Variants in CAPSL observed in about 807,000 individuals in gnomAD.
CAPSL encodes the protein calcyphosin-like protein.
Under a neutral mutation model 21.3 loss-of-function variants are expected in CAPSL, and 17 were observed. The ratio of observed to expected loss-of-function variants is 0.80; its 90% CI spans 0.55 to 1.20. The LOEUF (loss-of-function observed/expected upper bound fraction) is 1.20. Ranked by LOEUF, CAPSL falls within the 50% of genes most tolerant of loss-of-function variation. The pLI is 0.00. For missense variants in CAPSL, 289 were observed against 259.3 expected, an observed-to-expected ratio of 1.11 and a Z score of -0.79; for synonymous variants, 102 against 89.3, an observed-to-expected ratio of 1.14 and a Z score of -0.80.
At chr5:35,937,573 C>T (rs1289671779) in intron 1 of CAPSL, among the ~76,000 whole-genome samples, 1 of 152,150 alleles carries the variant, frequency 6.6e-6, no homozygotes, top group East Asian at 1.9e-4. Flanking sequence ...CAATGTAATT[C>T]GTTTTCGAAT....
At chr5:35,934,470 G>A (rs190640931) in intron 1 of CAPSL, among the ~76,000 whole-genome samples, 1 of 152,316 alleles carries the variant, frequency 6.6e-6, no homozygotes, top group Admixed American at 6.5e-5. Context: ...ACAAGAGGTC[G>A]ACCTCCATAA....
At position 35,921,059 on chromosome 5, in the gene CAPSL, G is replaced by A. The variant is rs200635899; in HGVS notation, c.62C>T (p.Thr21Met). Residue 21 changes from threonine (T) to methionine (M), a missense_variant, in exon 2 of 5, where the codon ACG becomes ATG. Physicochemically the swap from Thr to Met is moderately conservative, Grantham distance 81 (BLOSUM62 -1). Coordinates refer to ENST00000651391, the MANE Select transcript of CAPSL (RefSeq NM_001042625.2). ...GAGTCTTTCAATGGGGTCGGTGGCC[G>A]TGGTGAGCTTTTTCTTGGCCTGGAT... is the stretch of plus-strand genomic sequence containing the variant. Reference protein sequence around the residue: ...MAIQAKKKLTTATDPIERLRL... With the variant: ...MAIQAKKKLTMATDPIERLRL... 5.2e-5 allele frequency: 84 copies of A among 1,613,904 alleles called. No individual in the cohort carries two copies. Among genetic ancestry groups the A allele is most frequent in the East Asian group, 2.9e-4 (13 of 44,888 alleles).
At chr5:35,936,299 C>T (rs1738945048) in intron 1 of CAPSL, among the ~76,000 whole-genome samples, 1 of 152,138 alleles carries the variant, frequency 6.6e-6, no homozygotes, top group African/African-American at 2.4e-5. Flanking sequence ...AGGCCTACCC[C>T]TCTAAGATTC....
At chr5:35,919,992 G>A (rs1160426994) in intron 2 of CAPSL, among the ~76,000 whole-genome samples, 1 of 152,120 alleles carries the variant, frequency 6.6e-6, no homozygotes, top group East Asian at 1.9e-4. Flanking sequence ...GGATAGAGGT[G>A]GAAGTGACAC....
chr5:35,906,486 C>A (rs544426256), intron 4 of CAPSL, among the ~76,000 whole-genome samples: 2 of 152,260 alleles, frequency 1.3e-5, no homozygotes, highest in East Asian at 3.9e-4. Context: ...CCTCCTTCTC[C>A]CTCCTTTGTC....
chr5:35,917,140 G>C (rs546892540), intron 2 of CAPSL, among the ~76,000 whole-genome samples: 2 of 152,330 alleles, frequency 1.3e-5, no homozygotes, highest in East Asian at 3.9e-4. Context: ...GGCCATCAGA[G>C]AAATGCAAAT....
At chr5:35,911,793 G>T (rs189299056) in intron 2 of CAPSL, among the ~76,000 whole-genome samples, 2 of 152,160 alleles carry the variant, frequency 1.3e-5, no homozygotes, top group Non-Finnish European at 2.9e-5. Flanking sequence ...AGCTCCCAGC[G>T]TGAGCGATGC....
At chr5:35,912,253 C>T (rs1357535899) in intron 2 of CAPSL, among the ~76,000 whole-genome samples, 3 of 152,202 alleles carry the variant, frequency 2.0e-5, no homozygotes, top group Non-Finnish European at 2.9e-5. Context: ...TCAAGGAGGC[C>T]TGCCTGCCTC....
intron 1 of CAPSL, among the ~76,000 whole-genome samples, chr5:35,924,439 G>A (rs1376338735): frequency 6.6e-6 from 1 of 152,170 alleles, no homozygotes; most frequent in Non-Finnish European, 1.5e-5. Context: ...AGGAAAGTGG[G>A]ATCGAGTCCA....
chr5:35,926,299 T>C (rs1738682007), intron 1 of CAPSL, among the ~76,000 whole-genome samples: 1 of 152,074 alleles, frequency 6.6e-6, no homozygotes, highest in Non-Finnish European at 1.5e-5. Context: ...CCAGAGCTGT[T>C]GCTTGCGCTC....
In CAPSL at chr5:35,914,235, C is replaced by T. The variant is rs918570937; in HGVS notation, c.138-3692G>A. Among the ~76,000 whole-genome samples, 94 of 152,272 alleles carry T rather than the reference C, an allele frequency of 6.2e-4. 1 individual carries two copies. Among genetic ancestry groups the T allele is most frequent in the South Asian group, 1.7e-3 (8 of 4,828 alleles). On this transcript the variant is annotated intron_variant, in intron 2 of 4. Coordinates refer to ENST00000651391, the MANE Select transcript of CAPSL (RefSeq NM_001042625.2). ...AAGTCCTTAGAAACCTACAAAGAGACTTAGACTCCCACACAATAATAATGG... is the reference window on the plus strand; with the variant it reads ...AAGTCCTTAGAAACCTACAAAGAGATTTAGACTCCCACACAATAATAATGG...
At chr5:35,908,170 G>A (rs576548031) in intron 4 of CAPSL, among the ~76,000 whole-genome samples, 2 of 152,162 alleles carry the variant, frequency 1.3e-5, no homozygotes, top group Admixed American at 6.5e-5. Context: ...ACAAATACAC[G>A]TGAGTGTAAG....
intron 1 of CAPSL, among the ~76,000 whole-genome samples, chr5:35,936,571 A>G (rs1738952899): frequency 6.6e-6 from 1 of 152,190 alleles, no homozygotes; most frequent in African/African-American, 2.4e-5. Flanking sequence ...AACAGTCATT[A>G]GCCCTTAGTT....
At chr5:35,916,333 C>G (rs370124304) in intron 2 of CAPSL, among the ~76,000 whole-genome samples, 2 of 151,898 alleles carry the variant, frequency 1.3e-5, no homozygotes, top group African/African-American at 4.8e-5. Context: ...AAGCTACCAA[C>G]GACTTTCTTC....
chr5:35,927,723 A>G (rs1176370633), intron 1 of CAPSL, among the ~76,000 whole-genome samples: 7 of 152,224 alleles, frequency 4.6e-5, no homozygotes, highest in African/African-American at 1.7e-4. Flanking sequence ...TGGACCTTTC[A>G]ATACTTGAAA....
At chr5:35,920,091 A>G (rs1580888549) in intron 2 of CAPSL, among the ~76,000 whole-genome samples, 1 of 152,266 alleles carries the variant, frequency 6.6e-6, no homozygotes, top group East Asian at 1.9e-4. Flanking sequence ...GCCTTCTGAC[A>G]GAGCTGGGCT....
At chr5:35,930,426 A>G (rs554589226) in intron 1 of CAPSL, among the ~76,000 whole-genome samples, 1 of 152,328 alleles carries the variant, frequency 6.6e-6, no homozygotes, top group South Asian at 2.1e-4. Context: ...TACTTCATAC[A>G]TATTCATATT....
At chr5:35,932,862 C>T (rs1305426102) in intron 1 of CAPSL, among the ~76,000 whole-genome samples, 1 of 152,184 alleles carries the variant, frequency 6.6e-6, no homozygotes, top group Non-Finnish European at 1.5e-5. Context: ...AAATAAGGCT[C>T]ACTTTTCCAC....
chr5:35,924,517 G>A (rs753542647), intron 1 of CAPSL, among the ~76,000 whole-genome samples: 22 of 152,132 alleles, frequency 1.4e-4, no homozygotes, highest in Non-Finnish European at 2.8e-4. Flanking sequence ...CCTACCCAGC[G>A]ATGATGTTGG....
Sources: allele counts gnomAD v4.1 joint callset (sites outside exome capture counted in the v4.1 genomes callset), GRCh38; gene constraint gnomAD v4.1.1; transcripts MANE v1.5; gene names NCBI Gene and HGNC (gene_info 2026-07-23, HGNC 2026-07-21).